The following LARGE1 variants were observed in gnomAD, a reference collection of about 807,000 sequenced individuals.
The protein encoded by LARGE1 is LARGE xylosyl- and glucuronyltransferase 1.
In LARGE1, 43 loss-of-function variants were observed where a neutral mutation model predicts 87.6. The observed-to-expected ratio is 0.49, with a 90% CI of 0.38 to 0.63. The LOEUF (loss-of-function observed/expected upper bound fraction) is 0.63. Among genes scored for constraint, LARGE1 ranks in the 30% least tolerant of loss-of-function variants. LARGE1 has a pLI of 0.00. For missense variants in LARGE1, 802 were observed against 1,000.2 expected (o/e 0.80, Z 2.67); for synonymous variants, 434 against 394.6 (o/e 1.10, Z -1.18).
At chr22:33,735,378 C>T (rs937970319) in intron 2 of LARGE1, among the ~76,000 whole-genome samples, 3 of 152,174 alleles carry the variant, frequency 2.0e-5, no homozygotes, top group Non-Finnish European at 4.4e-5. Flanking sequence ...CCCTGGGTGT[C>T]CCCCCTGCAT....
At chr22:33,494,626 T>A (rs941932146) in intron 6 of LARGE1, among the ~76,000 whole-genome samples, 5 of 152,206 alleles carry the variant, frequency 3.3e-5, no homozygotes, top group African/African-American at 9.6e-5. Flanking sequence ...TCCCAACTGA[T>A]ATTCACAACT....
At chr22:33,085,749 G>C in the LARGE1 span, among the ~76,000 whole-genome samples, 2 of 152,072 alleles carry the variant, frequency 1.3e-5, no homozygotes, top group African/African-American at 4.8e-5. Flanking sequence ...TTCTCATACT[G>C]GTCTTGCTGA....
intron 10 of LARGE1, among the ~76,000 whole-genome samples, chr22:33,326,775 G>A (rs1216986524): frequency 6.6e-6 from 1 of 152,208 alleles, no homozygotes; most frequent in Non-Finnish European, 1.5e-5. Flanking sequence ...AGTGCAGAGA[G>A]ATGACAACCA....
At chr22:33,710,883 A>G (rs188706328) in intron 2 of LARGE1, among the ~76,000 whole-genome samples, 27 of 152,316 alleles carry the variant, frequency 1.8e-4, no homozygotes, top group African/African-American at 5.8e-4. Flanking sequence ...ATGCTGTATG[A>G]TGTTTTTTCT....
chr22:33,794,795 T>C (rs909011264), intron 1 of LARGE1, among the ~76,000 whole-genome samples: 1 of 152,144 alleles, frequency 6.6e-6, no homozygotes, highest in Non-Finnish European at 1.5e-5. Flanking sequence ...GATTTTTATA[T>C]TTTTAGTAGA....
At chr22:33,252,889 G>A (rs923790269) in intron 11 of LARGE1, among the ~76,000 whole-genome samples, 4 of 152,186 alleles carry the variant, frequency 2.6e-5, no homozygotes, top group African/African-American at 4.8e-5. Context: ...TTTGTGTAAC[G>A]TCATCATGGT....
chr22:33,330,235 G>GA (rs1392929187), intron 10 of LARGE1, among the ~76,000 whole-genome samples: 1 of 152,142 alleles, frequency 6.6e-6, no homozygotes, highest in Admixed American at 6.5e-5. Flanking sequence ...ATTCTGAATA[G>GA]AAAAAACGGT....
At chr22:33,593,623 G>A (rs1427050073) in intron 5 of LARGE1, among the ~76,000 whole-genome samples, 3 of 152,250 alleles carry the variant, frequency 2.0e-5, no homozygotes, top group African/African-American at 7.2e-5. Context: ...AACCATATGT[G>A]TTACTGAGCA....
intron 5 of LARGE1, among the ~76,000 whole-genome samples, chr22:33,572,433 C>G (rs1377665618): frequency 6.6e-6 from 1 of 152,156 alleles, no homozygotes; most frequent in African/African-American, 2.4e-5. Flanking sequence ...AATCCTGACT[C>G]TACCACAACC....
rs183755786 is a variant in LARGE1, at chr22:33,847,952, C to T, written c.-83+72043G>A. 1.1e-3 allele frequency among the ~76,000 whole-genome samples: 174 copies of T among 152,280 alleles called. 1 individual carries two copies. The highest frequency in any genetic ancestry group is 3.9e-3 in the African/African-American group (162 of 41,564). ...TTTCTGCCACCCCCACTCATGCTAA[C>T]TGGTGGTTACAAAAAAAACTGACAG... is the stretch of plus-strand genomic sequence containing the variant. On this transcript the variant is annotated intron_variant, in intron 1 of 14. Transcript: ENST00000397394.
chr22:33,739,284 A>T (rs1175972150), intron 2 of LARGE1, among the ~76,000 whole-genome samples: 1 of 152,024 alleles, frequency 6.6e-6, no homozygotes, highest in Non-Finnish European at 1.5e-5. Context: ...GCTCTTTTCC[A>T]TCCTAATTTC....
At chr22:33,463,331 T>C (rs1248314294) in intron 6 of LARGE1, among the ~76,000 whole-genome samples, 1 of 151,656 alleles carries the variant, frequency 6.6e-6, no homozygotes. Flanking sequence ...GTATTCAAAA[T>C]AGACAAAAAA....
At position 33,411,994 on chromosome 22, in the gene LARGE1, A is replaced by G. The variant is rs58288162; in HGVS notation, c.892+20167T>C. 4.2e-3 allele frequency among the ~76,000 whole-genome samples: 647 copies of G among 152,310 alleles called. 7 individuals are homozygous for G. The highest frequency in any genetic ancestry group is 0.015 in the African/African-American group (615 of 41,556). ...TACTTTCAGGGAATGTGAAAAATAT[A>G]TATTATTGGCCGGGCACGGTGGCTC... On this transcript the variant is annotated intron_variant, in intron 7 of 14. Transcript: ENST00000397394.
At chr22:33,335,619 T>C (rs1411787253) in intron 10 of LARGE1, among the ~76,000 whole-genome samples, 1 of 152,182 alleles carries the variant, frequency 6.6e-6, no homozygotes, top group Non-Finnish European at 1.5e-5. Context: ...AAATCCAACA[T>C]ACAACCTCCT....
intron 9 of LARGE1, among the ~76,000 whole-genome samples, chr22:33,358,029 T>A (rs1252408706): frequency 3.9e-5 from 6 of 152,144 alleles, no homozygotes; most frequent in Non-Finnish European, 8.8e-5. Context: ...CCATGTCTGC[T>A]GGGGGAATGA....
At chr22:33,288,875 T>C (rs1932022417) in intron 12 of LARGE1, among the ~76,000 whole-genome samples, 1 of 152,180 alleles carries the variant, frequency 6.6e-6, no homozygotes, top group South Asian at 2.1e-4. Context: ...AGGTTCAAAG[T>C]TTTGTTGCCC....
intron 11 of LARGE1, among the ~76,000 whole-genome samples, chr22:33,167,856 C>G (rs1439751056): frequency 6.6e-6 from 1 of 152,168 alleles, no homozygotes; most frequent in Non-Finnish European, 1.5e-5. Context: ...TTCATTCTCT[C>G]CCCTAGAGCA....
chr22:33,206,610 T>C (rs1210887344), intron 11 of LARGE1, among the ~76,000 whole-genome samples: 1 of 152,190 alleles, frequency 6.6e-6, no homozygotes, highest in Non-Finnish European at 1.5e-5. Flanking sequence ...CAGGCTGGCA[T>C]GCCTGCAGCC....
intron 2 of LARGE1, among the ~76,000 whole-genome samples, chr22:33,711,376 A>G (rs1009795413): frequency 6.6e-6 from 1 of 152,156 alleles, no homozygotes; most frequent in African/African-American, 2.4e-5. Context: ...CTGCTATACT[A>G]CGCCTCAATT....
Sources: gnomAD v4.1 joint callset for allele counts (sites outside exome capture counted in the v4.1 genomes callset) on GRCh38, gnomAD v4.1.1 for gene constraint, MANE v1.5 for transcripts, NCBI Gene and HGNC (gene_info 2026-07-23, HGNC 2026-07-21) for gene names.